CRACD: variants seen among roughly 807,000 people sequenced by gnomAD.
The protein encoded by CRACD is capping protein inhibiting regulator of actin dynamics.
A neutral mutation model predicts 106.8 loss-of-function variants in CRACD; 56 were observed. The ratio of observed to expected loss-of-function variants is 0.52; its 90% CI spans 0.42 to 0.66. The LOEUF is 0.66. CRACD is among the 30% of genes least tolerant of loss of function. CRACD has a pLI of 0.00. For synonymous variants in CRACD, 754 were observed against 670.8 expected (o/e 1.12, Z -1.92); for missense variants, 1,730 against 1,623.2 (o/e 1.07, Z -1.13).
At position 56,166,612 on chromosome 4, in the gene CRACD, G is replaced by A. The variant is rs540118458; in HGVS notation, c.-335-12672G>A. ...GGAGAATCGCTTAAACCTAGGAAGC[G>A]GAGGTTGCAGTGAGCCACACCACTG... On this transcript the variant is annotated intron_variant, in intron 1 of 10. Transcript: ENST00000682029. Among the ~76,000 whole-genome samples the A allele has an allele frequency of 1.7e-4, 24 of 143,310 alleles. 1 individual carries two copies. The East Asian group carries it at 2.1e-3, about 12-fold the overall frequency. 94.0% of individuals were successfully genotyped at this position (143,310 alleles called of 152,430 possible).
intron 3 of CRACD, among the ~76,000 whole-genome samples, chr4:56,285,762 T>A (rs1046308160): frequency 2.6e-5 from 4 of 152,152 alleles, no homozygotes; most frequent in African/African-American, 4.8e-5. Context: ...GTGTTTTACA[T>A]ATCATAAATT....
intron 2 of CRACD, among the ~76,000 whole-genome samples, chr4:56,211,537 A>C (rs887659163): frequency 6.6e-6 from 1 of 152,188 alleles, no homozygotes; most frequent in Non-Finnish European, 1.5e-5. Context: ...ATACGCTGAC[A>C]ATTGAAGAGT....
At position 56,328,654 on chromosome 4, in the gene CRACD, C is replaced by T; in HGVS notation, c.*850C>T. The T allele has an allele frequency of 4.1e-6, 1 of 246,548 alleles. No homozygotes were observed. Among genetic ancestry groups the T allele is most frequent in the East Asian group, 1.0e-4 (1 of 10,016 alleles). The allele number at this position is 246,548 out of a possible 1,614,324, so 15.3% of individuals were successfully genotyped here. A position where few individuals can be genotyped will look rare whatever the true frequency, so the allele number is the denominator to read the frequency against. On this transcript the variant is annotated 3_prime_UTR_variant, in exon 11 of 11. Transcript: ENST00000682029. ...CTCCTAGGGCCTACTCAATCAGAGCCTGTGGGGACTGGGCCAGGAATATGT... is the reference window on the plus strand; with the variant it reads ...CTCCTAGGGCCTACTCAATCAGAGCTTGTGGGGACTGGGCCAGGAATATGT...
At chr4:56,246,196 T>G (rs17086510) in intron 2 of CRACD, among the ~76,000 whole-genome samples, 13,134 of 152,196 alleles carry the variant, frequency 0.086, 1,607 homozygotes, top group East Asian at 0.56. Flanking sequence ...TGAGTTGCCA[T>G]TTTTCTATCC....
At chr4:56,310,522 C>T in intron 5 of CRACD, 144 bp from the exon 6 acceptor site, 2 of 636,504 alleles carry the variant, frequency 3.1e-6, no homozygotes, top group East Asian at 2.7e-5. Context: ...ATAGTCTCCA[C>T]TGGGACACCT....
At chr4:56,145,499 T>C (rs1577691608) in intron 1 of CRACD, among the ~76,000 whole-genome samples, 1 of 152,366 alleles carries the variant, frequency 6.6e-6, no homozygotes, top group Non-Finnish European at 1.5e-5. Flanking sequence ...GAAATGAGTG[T>C]TCAGTGGAAC....
At chr4:56,187,004 G>A (rs1347953647) in intron 2 of CRACD, among the ~76,000 whole-genome samples, 4 of 151,794 alleles carry the variant, frequency 2.6e-5, no homozygotes, top group African/African-American at 9.7e-5. Context: ...AGAGGGTTGA[G>A]CCTGCAGTGA....
chr4:56,178,554 G>C (rs75011800), intron 1 of CRACD, among the ~76,000 whole-genome samples: 8,084 of 152,246 alleles, frequency 0.053, 237 homozygotes, highest in Admixed American at 0.065. Context: ...TCTGCTAGAA[G>C]CTAGTCCCTC....
intron 2 of CRACD, among the ~76,000 whole-genome samples, chr4:56,218,691 T>A (rs1322339585): frequency 1.3e-5 from 2 of 148,882 alleles, no homozygotes; most frequent in Non-Finnish European, 3.0e-5. Context: ...CATTGTAACC[T>A]CAAACACCTG....
chr4:56,188,659 T>TCTC (rs1553908639), intron 2 of CRACD, among the ~76,000 whole-genome samples: 7 of 83,818 alleles, frequency 8.4e-5, no homozygotes, highest in Admixed American at 1.3e-4. Context: ...ATCTCTCTAT[T>TCTC]TCTCTCTCTC....
chr4:56,199,989 A>AT lies in CRACD; in HGVS notation c.-189+20568dup, dbSNP rs200827712. 2.4e-4 allele frequency among the ~76,000 whole-genome samples: 36 copies of AT among 149,002 alleles called. No individual in the cohort carries two copies. The South Asian group carries it at 2.6e-3, about 11-fold the overall frequency. On this transcript the variant is annotated intron_variant, in intron 2 of 10. Coordinates refer to ENST00000682029, the MANE Select transcript of CRACD (RefSeq NM_001393381.1). ...GGGAATAAAAATGGATTTCATTTTT[A>AT]TTTTTTTTTCAAAAAGTAGAAACTT...
chr4:56,128,505 G>A (rs1159755723), intron 1 of CRACD, among the ~76,000 whole-genome samples: 1 of 152,098 alleles, frequency 6.6e-6, no homozygotes, highest in Non-Finnish European at 1.5e-5. Flanking sequence ...AATGCTTCTT[G>A]ACAAGGGTGA....
At chr4:56,172,612 G>A (rs1027404537) in intron 1 of CRACD, among the ~76,000 whole-genome samples, 12 of 151,286 alleles carry the variant, frequency 7.9e-5, no homozygotes, top group Non-Finnish European at 2.9e-5. Context: ...ACAGGCATGT[G>A]CCACCACGCC....
chr4:56,160,415 C>T (rs894921749), intron 1 of CRACD, among the ~76,000 whole-genome samples: 1 of 152,040 alleles, frequency 6.6e-6, no homozygotes, highest in Non-Finnish European at 1.5e-5. Flanking sequence ...AACTCCTGAG[C>T]TCAAACAGTC....
intron 3 of CRACD, among the ~76,000 whole-genome samples, chr4:56,294,222 T>TAAAAAAAAA (rs34697625): frequency 7.0e-6 from 1 of 142,230 alleles, no homozygotes. Flanking sequence ...GACCCTGTCT[T>TAAAAAAAAA]AAAAAAAAAA....
chr4:56,110,825 G>A (rs910981055), intron 1 of CRACD, among the ~76,000 whole-genome samples: 2 of 152,248 alleles, frequency 1.3e-5, no homozygotes, highest in South Asian at 2.1e-4. Context: ...TCAAACTTCT[G>A]ACCTCAAGTG....
chr4:56,088,132 C>CTTTTTT (rs11305512), intron 1 of CRACD, among the ~76,000 whole-genome samples: 6 of 131,940 alleles, frequency 4.5e-5, no homozygotes, highest in Non-Finnish European at 3.2e-5. Flanking sequence ...TAGATTGTTT[C>CTTTTTT]TTTTTTTTTT....
At chr4:56,178,337 T>G (rs1736672337) in intron 1 of CRACD, among the ~76,000 whole-genome samples, 1 of 152,142 alleles carries the variant, frequency 6.6e-6, no homozygotes, top group Non-Finnish European at 1.5e-5. Context: ...TCTCAGTAGT[T>G]TTGCCCTGTG....
rs370635943 is a variant in CRACD, at chr4:56,315,811, G to T, written c.2309G>T (p.Gly770Val). The T allele has an allele frequency of 4.0e-5, 64 of 1,614,048 alleles. No homozygotes were observed. Among genetic ancestry groups the T allele is most frequent in the Middle Eastern group, 1.6e-4 (1 of 6,084 alleles). The change falls in exon 8 of 11, where the codon GGG becomes GTG. Residue 770 changes from glycine to valine, a missense_variant. Coordinates refer to ENST00000682029, the MANE Select transcript of CRACD (RefSeq NM_001393381.1). This position sits in a 1 kb window ranked among gnomAD's most constrained non-coding sequence, Gnocchi z 4.1. ...CCTCCTGCTGGTGTTCGCGAGCTCG[G>T]GAAGGGTCCGGAGAAGTCGGAGATG... ...QPPPAGVREL[G>V]KGPEKSEMHR...
Sources: gnomAD v4.1 joint callset for allele counts (sites outside exome capture counted in the v4.1 genomes callset) on GRCh38, gnomAD v4.1.1 for gene constraint, Gnocchi (gnomAD v3.1) non-coding constraint, MANE v1.5 for transcripts, NCBI Gene and HGNC (gene_info 2026-07-23, HGNC 2026-07-21) for gene names.